CUL5: variants seen among roughly 807,000 people sequenced by gnomAD.
CUL5 encodes the protein cullin-5.
In CUL5, 26 loss-of-function variants were observed where a neutral mutation model predicts 108.8. The ratio of observed to expected loss-of-function variants is 0.24; its 90% CI spans 0.18 to 0.33. The LOEUF is 0.33. Ranked by LOEUF, CUL5 falls within the 10% of genes least tolerant of loss-of-function variation. The probability of loss-of-function intolerance (pLI) is 1.00; values close to 1 mark genes in which losing one functional copy is unlikely to be tolerated. For missense variants in CUL5, 524 were observed against 909.2 expected, an observed-to-expected ratio of 0.58 and a Z score of 5.45; for synonymous variants, 334 against 298.0, an observed-to-expected ratio of 1.12 and a Z score of -1.25.
chr11:108,033,252 C>T (rs1862641523), intron 1 of CUL5, among the ~76,000 whole-genome samples: 1 of 152,208 alleles, frequency 6.6e-6, no homozygotes, highest in African/African-American at 2.4e-5. Flanking sequence ...AATAGGGAAG[C>T]TCACCCAACC....
At chr11:108,045,985 A>T (rs1472161348) in intron 2 of CUL5, among the ~76,000 whole-genome samples, 1 of 152,256 alleles carries the variant, frequency 6.6e-6, no homozygotes, top group African/African-American at 2.4e-5. Context: ...ATAGCAGTTA[A>T]CTTTGGGCAG....
intron 11 of CUL5, among the ~76,000 whole-genome samples, chr11:108,087,131 T>C (rs1189592294): frequency 6.6e-6 from 1 of 152,170 alleles, no homozygotes; most frequent in Non-Finnish European, 1.5e-5. Context: ...GAAAAACATA[T>C]TCTAGTCTCA....
chr11:108,048,138 A>C (rs1199120438), intron 3 of CUL5, among the ~76,000 whole-genome samples: 4 of 150,382 alleles, frequency 2.7e-5, no homozygotes, highest in African/African-American at 9.8e-5. Flanking sequence ...TTTTTTCATG[A>C]ATCATTTTAC....
rs138083925 is a variant in CUL5, at chr11:108,016,958, C to G, written c.24+7586C>G. Among the ~76,000 whole-genome samples, 25 of 152,268 alleles carry G rather than the reference C, an allele frequency of 1.6e-4. No homozygotes were observed. In the East Asian group the frequency reaches 4.6e-3, roughly 28 times the overall value. On this transcript the variant is annotated intron_variant, in intron 1 of 18. Coordinates refer to ENST00000393094, the MANE Select transcript of CUL5 (RefSeq NM_003478.6). ...TGGGCAGCATAGCAAGACCTACCAC[C>G]TCTACAAAAATAAAAATTAGAAAAC...
Position 108,088,626 on chromosome 11 carries a change from C to G in CUL5, c.1278C>G (p.Thr426=). The change falls in exon 12 of 19, where the codon ACC becomes ACG. Residue 426 remains threonine (T), a synonymous_variant. Coordinates refer to ENST00000393094, the MANE Select transcript of CUL5 (RefSeq NM_003478.6). Reference sequence around the variant, plus strand: ...AAACACCATTAAGCAAAAAACTAACCTCTGAAGAGATTGAAGCAAAGCTTA... The same window carrying G: ...AAACACCATTAAGCAAAAAACTAACGTCTGAAGAGATTGAAGCAAAGCTTA... ...LRKTPLSKKL[T]SEEIEAKLKE... 2 of 1,603,090 alleles carry G rather than the reference C, an allele frequency of 1.2e-6. No individual in the cohort carries two copies. Among genetic ancestry groups the G allele is most frequent in the Non-Finnish European group, 1.7e-6 (2 of 1,176,726 alleles).
intron 2 of CUL5, among the ~76,000 whole-genome samples, chr11:108,040,254 A>G (rs1862860588): frequency 6.6e-6 from 1 of 152,054 alleles, no homozygotes; most frequent in Non-Finnish European, 1.5e-5. Flanking sequence ...CCGAGGCTGG[A>G]GGATTGCTTG....
Position 108,097,671 on chromosome 11 carries a change from T to G in CUL5, c.1941T>G (p.Val647=). Reference sequence around the variant, plus strand: ...CTTTCCCAAAACTCAAACGGCAAGTTTTGTTGTATGAACCTCAAGTCAACT... The same window carrying G: ...CTTTCCCAAAACTCAAACGGCAAGTGTTGTTGTATGAACCTCAAGTCAACT... ...LVAFPKLKRQ[V]LLYEPQVNSP... Residue 647 remains valine (V), a synonymous_variant, in exon 17 of 19, where the codon GTT becomes GTG. Transcript: ENST00000393094. The G allele has an allele frequency of 1.2e-6, 2 of 1,613,658 alleles. No individual in the cohort carries two copies. The highest frequency in any genetic ancestry group is 1.7e-6 in the Non-Finnish European group (2 of 1,179,680).
chr11:108,020,596 G>C (rs955368599), intron 1 of CUL5, among the ~76,000 whole-genome samples: 9 of 150,928 alleles, frequency 6.0e-5, no homozygotes, highest in African/African-American at 2.2e-4. Context: ...TGCCCAGGCT[G>C]GTCTCAAACT....
chr11:108,017,180 G>A (rs962023034), intron 1 of CUL5, among the ~76,000 whole-genome samples: 1 of 152,014 alleles, frequency 6.6e-6, no homozygotes, highest in Non-Finnish European at 1.5e-5. Flanking sequence ...CCTGAGCCCA[G>A]GAATTTTAGC....
At chr11:108,091,680 T>G (rs1864363061) in intron 13 of CUL5, among the ~76,000 whole-genome samples, 1 of 109,234 alleles carries the variant, frequency 9.2e-6, no homozygotes, top group Admixed American at 9.4e-5. Flanking sequence ...CAGAGTCAGA[T>G]CCTGTCTCTC....
intron 7 of CUL5, among the ~76,000 whole-genome samples, chr11:108,063,259 G>A (rs1357337233): frequency 6.6e-6 from 1 of 152,130 alleles, no homozygotes; most frequent in African/African-American, 2.4e-5. Context: ...GAGTTCAATT[G>A]TTTTAATTTT....
intron 2 of CUL5, among the ~76,000 whole-genome samples, chr11:108,042,179 G>A (rs541303024): frequency 2.7e-5 from 4 of 148,604 alleles, no homozygotes; most frequent in African/African-American, 9.9e-5. Flanking sequence ...ACATTGATGT[G>A]CTTATAGTCC....
chr11:108,054,515 T>A, intron 5 of CUL5, 132 bp from the exon 6 acceptor site: 1 of 602,964 alleles, frequency 1.7e-6, no homozygotes, highest in South Asian at 2.8e-5. Flanking sequence ...GGATTTTGTC[T>A]TATATAATTA....
intron 7 of CUL5, among the ~76,000 whole-genome samples, 198 bp downstream of exon 7, chr11:108,055,153 C>G (rs1446010578): frequency 2.0e-5 from 3 of 152,178 alleles, no homozygotes; most frequent in Non-Finnish European, 2.9e-5. Flanking sequence ...AGCTGGTATG[C>G]AAGATCAAAT....
intron 3 of CUL5, among the ~76,000 whole-genome samples, chr11:108,048,321 T>C (rs181386861): frequency 6.6e-6 from 1 of 152,268 alleles, no homozygotes; most frequent in Admixed American, 6.5e-5. Flanking sequence ...CACAACTGTT[T>C]TATTTGTTCA....
At chr11:108,100,588 A>G (rs549020599) in intron 18 of CUL5, among the ~76,000 whole-genome samples, 11 of 152,284 alleles carry the variant, frequency 7.2e-5, no homozygotes, top group African/African-American at 2.4e-4. Context: ...CTCTGTAAGT[A>G]TAGAAGAATT....
chr11:108,030,423 A>G (rs545988324), intron 1 of CUL5, among the ~76,000 whole-genome samples: 1 of 152,300 alleles, frequency 6.6e-6, no homozygotes, highest in East Asian at 1.9e-4. Context: ...AGATCACCTG[A>G]GGTCGGGAGT....
At chr11:108,082,886 CA>C (rs1358391255) in intron 11 of CUL5, among the ~76,000 whole-genome samples, 1 of 152,072 alleles carries the variant, frequency 6.6e-6, no homozygotes, top group African/African-American at 2.4e-5. Context: ...CTCTGCCTCT[CA>C]AAGTGCCAGA....
intron 1 of CUL5, among the ~76,000 whole-genome samples, chr11:108,028,825 AAAAAAAT>A (rs1862509301): frequency 1.3e-5 from 2 of 152,076 alleles, no homozygotes; most frequent in Non-Finnish European, 2.9e-5. Flanking sequence ...CTCCATCTCA[AAAAAAAT>A]AAAAAATAAA....
Sources: allele counts gnomAD v4.1 joint callset (sites outside exome capture counted in the v4.1 genomes callset), GRCh38; gene constraint gnomAD v4.1.1; transcripts MANE v1.5; gene names NCBI Gene and HGNC (gene_info 2026-07-23, HGNC 2026-07-21).